Variants in MAP7D2 observed in about 807,000 individuals in gnomAD.
MAP7D2 encodes MAP7 domain-containing protein 2.
A neutral mutation model predicts 63.5 loss-of-function variants in MAP7D2; 33 were observed. The observed-to-expected ratio is 0.52, with a 90% CI of 0.39 to 0.70. The LOEUF (loss-of-function observed/expected upper bound fraction) is 0.70, where lower values mean the gene tolerates loss of function less well. Ranked by LOEUF, MAP7D2 falls within the 30% of genes least tolerant of loss-of-function variation. The pLI, the probability that MAP7D2 is intolerant of heterozygous loss-of-function variation, is 0.00. For synonymous variants in MAP7D2, 224 were observed against 223.7 expected (o/e 1.00, Z -0.01); for missense variants, 626 against 604.0 (o/e 1.04, Z -0.38).
intron 1 of MAP7D2, among the ~76,000 whole-genome samples, chrX:20,112,396 G>A (rs1354695116): frequency 1.8e-5 from 2 of 111,657 alleles, no homozygotes; most frequent in Admixed American, 9.5e-5. Flanking sequence ...CTAGTCACAA[G>A]GCTTTTAAAA....
At chrX:20,023,706 C>T (rs1285053957) in intron 10 of MAP7D2, among the ~76,000 whole-genome samples, 2 of 111,514 alleles carry the variant, frequency 1.8e-5, no homozygotes, top group African/African-American at 6.5e-5. Flanking sequence ...CAGCTCAGAG[C>T]CTACATGGTA....
chrX:20,023,141 G>A (rs2073714232), intron 10 of MAP7D2, among the ~76,000 whole-genome samples: 1 of 112,534 alleles, frequency 8.9e-6, no homozygotes, highest in Admixed American at 9.4e-5. Context: ...TAGAAAGCAA[G>A]CTGCAGTTAG....
chrX:20,034,241 A>C (rs927055279), intron 8 of MAP7D2, among the ~76,000 whole-genome samples: 3 of 105,149 alleles, frequency 2.9e-5, no homozygotes, highest in African/African-American at 6.9e-5. Context: ...AAAAAAAAAA[A>C]AAAAAAAAAA....
chrX:20,031,478 T>G (rs6629370), intron 8 of MAP7D2, among the ~76,000 whole-genome samples: 189 of 110,042 alleles, frequency 1.7e-3, no homozygotes, highest in African/African-American at 5.8e-3. Context: ...ATAAAAAATC[T>G]TATTGGGCCA....
intron 8 of MAP7D2, among the ~76,000 whole-genome samples, chrX:20,031,928 C>T (rs758190788): frequency 3.6e-5 from 4 of 111,797 alleles, no homozygotes; most frequent in South Asian, 3.7e-4. Context: ...TACTCTCAAA[C>T]GGTTCTGGGA....
chrX:20,107,536 AC>A (rs759233629), intron 1 of MAP7D2, among the ~76,000 whole-genome samples: 1 of 110,812 alleles, frequency 9.0e-6, no homozygotes, highest in African/African-American at 3.3e-5. Context: ...ACGCCACCGC[AC>A]TCCAGCCTGG....
chrX:20,098,073 C>T (rs1253465472), intron 1 of MAP7D2, among the ~76,000 whole-genome samples: 2 of 111,083 alleles, frequency 1.8e-5, no homozygotes, highest in African/African-American at 6.6e-5. Flanking sequence ...TTTTTATGTC[C>T]ACAGACATCC....
rs764793003 is a variant in MAP7D2 at position 20,025,684 on chromosome X, C to T, written c.1276G>A (p.Ala426Thr). The T allele has an allele frequency of 4.5e-5, 55 of 1,209,990 alleles. No individual in the cohort carries two copies. Among genetic ancestry groups the T allele is most frequent in the South Asian group, 3.9e-4 (22 of 56,752 alleles). Residue 426 changes from alanine (A) to threonine (T), a missense_variant, in exon 9 of 17, where the codon GCA becomes ACA. Transcript: ENST00000379643. Reference sequence around the variant, plus strand: ...AAGGCACGGTGGCAGCATCTACCTGCGCTGTTTTCGGCTTTCCCTCCTGCG... The same window carrying T: ...AAGGCACGGTGGCAGCATCTACCTGTGCTGTTTTCGGCTTTCCCTCCTGCG... ...AAAGGKAENS[A>T]ALGKPTAGTT...
At chrX:20,110,339 A>G (rs1238756935) in intron 1 of MAP7D2, among the ~76,000 whole-genome samples, 3 of 109,398 alleles carry the variant, frequency 2.7e-5, no homozygotes, top group African/African-American at 1.0e-4. Context: ...AATACAAAAA[A>G]TTAGCCGAGC....
intron 8 of MAP7D2, among the ~76,000 whole-genome samples, chrX:20,034,528 A>T (rs1341073659): frequency 9.0e-6 from 1 of 111,314 alleles, no homozygotes; most frequent in Non-Finnish European, 1.9e-5. Flanking sequence ...TGGTGGTGGT[A>T]TTAGGAGGTG....
intron 10 of MAP7D2, among the ~76,000 whole-genome samples, chrX:20,024,474 C>T (rs2073770417): frequency 8.9e-6 from 1 of 112,265 alleles, no homozygotes; most frequent in East Asian, 2.8e-4. Flanking sequence ...CAACCCTATG[C>T]CTAGGGGACA....
At chrX:20,020,009 T>C (rs191565781) in intron 10 of MAP7D2, among the ~76,000 whole-genome samples, 1 of 112,290 alleles carries the variant, frequency 8.9e-6, no homozygotes, top group Admixed American at 9.4e-5. Context: ...GGATCCCTTA[T>C]GGACACAGTC....
At chrX:20,089,529 C>A (rs750960426) in intron 1 of MAP7D2, among the ~76,000 whole-genome samples, 1 of 112,210 alleles carries the variant, frequency 8.9e-6, no homozygotes, top group Admixed American at 9.4e-5. Flanking sequence ...GAAGTGAGGT[C>A]CACAGACCAG....
At chrX:20,082,849 C>T (rs1228239974) in intron 1 of MAP7D2, among the ~76,000 whole-genome samples, 1 of 111,554 alleles carries the variant, frequency 9.0e-6, no homozygotes, top group Non-Finnish European at 1.9e-5. Context: ...AGACTGGTCT[C>T]GAACTCCTGA....
chrX:20,061,348 C>T (rs193149646), intron 3 of MAP7D2, among the ~76,000 whole-genome samples: 2 of 111,277 alleles, frequency 1.8e-5, no homozygotes, highest in East Asian at 2.8e-4. Context: ...AGCAGAGCAC[C>T]GACCCAATGT....
intron 8 of MAP7D2, among the ~76,000 whole-genome samples, chrX:20,032,390 C>A (rs1038740881): frequency 9.0e-6 from 1 of 110,749 alleles, no homozygotes; most frequent in African/African-American, 3.3e-5. Flanking sequence ...GAGAGGATAA[C>A]CAAGCCACAC....
intron 5 of MAP7D2, among the ~76,000 whole-genome samples, chrX:20,051,474 C>T (rs762804637): frequency 1.9e-4 from 21 of 107,853 alleles, no homozygotes; most frequent in Non-Finnish European, 3.4e-4. Context: ...GGCTTGAGCC[C>T]GGGAGGCAGA....
chrX:20,056,818 T>C lies in MAP7D2; in HGVS notation c.373-27A>G, dbSNP rs766200510. ...TACACAGTTCGTGTAAGGCAAGTGT[T>C]AACAAGATTAACTACCCAGCCCCAC... On this transcript the variant is annotated intron_variant, in intron 3 of 16. Coordinates refer to ENST00000379643, the MANE Select transcript of MAP7D2 (RefSeq NM_001168465.2). The C allele has an allele frequency of 3.5e-6, 4 of 1,149,812 alleles. No homozygotes were observed. The South Asian group carries it at 7.3e-5, about 21-fold the overall frequency. The allele number at this position is 1,149,812 out of a possible 1,213,427, so 94.8% of individuals were successfully genotyped here. A position where few individuals can be genotyped will look rare whatever the true frequency, so the allele number is the denominator to read the frequency against.
chrX:20,054,248 T>G (rs1210668641), intron 4 of MAP7D2, among the ~76,000 whole-genome samples: 1 of 112,292 alleles, frequency 8.9e-6, no homozygotes, highest in African/African-American at 3.2e-5. Flanking sequence ...TCTTTTCAAT[T>G]TTTCCATATT....
Sources: gnomAD v4.1 joint callset for allele counts (sites outside exome capture counted in the v4.1 genomes callset) on GRCh38, gnomAD v4.1.1 for gene constraint, MANE v1.5 for transcripts, NCBI Gene and HGNC (gene_info 2026-07-23, HGNC 2026-07-21) for gene names.